NMI: variants seen among roughly 807,000 people sequenced by gnomAD.
The protein encoded by NMI is N-myc-interactor.
Under a neutral mutation model 34.3 loss-of-function variants are expected in NMI, and 39 were observed. The ratio of observed to expected loss-of-function variants is 1.14; its 90% CI spans 0.88 to 1.49. The LOEUF (loss-of-function observed/expected upper bound fraction) is 1.49, where lower values mean the gene tolerates loss of function less well. NMI is among the 40% of genes most tolerant of loss of function. The probability of loss-of-function intolerance (pLI) is 0.00; values close to 1 mark genes in which losing one functional copy is unlikely to be tolerated. For missense variants in NMI, 339 were observed against 358.1 expected (o/e 0.95, Z 0.43); for synonymous variants, 113 against 120.3 (o/e 0.94, Z 0.40).
At chr2:151,274,344 CAAAAAAAA>C (rs773276443) in intron 6 of NMI, among the ~76,000 whole-genome samples, 12 of 54,672 alleles carry the variant, frequency 2.2e-4, no homozygotes, top group African/African-American at 7.7e-4. Flanking sequence ...CTCTGTCTCA[CAAAAAAAA>C]AAAAAAAAAA....
intron 1 of NMI, among the ~76,000 whole-genome samples, chr2:151,286,578 C>A (rs191019587): frequency 6.6e-6 from 1 of 152,032 alleles, no homozygotes; most frequent in East Asian, 1.9e-4. Context: ...CTGATGTTCT[C>A]CTATCTGCCT....
intron 4 of NMI, 85 bp downstream of exon 4, chr2:151,278,743 G>T: frequency 1.0e-6 from 1 of 998,264 alleles, no homozygotes; most frequent in Non-Finnish European, 1.5e-6. Flanking sequence ...TAATATAAGT[G>T]AAGTAATATT....
intron 4 of NMI, chr2:151,278,554 G>A (rs552604047): frequency 2.3e-4 from 86 of 374,658 alleles, no homozygotes; most frequent in African/African-American, 1.7e-3. Flanking sequence ...TTTGGAGGTA[G>A]CATGTGGAGT....
At chr2:151,287,865 C>T (rs533096511) in intron 1 of NMI, among the ~76,000 whole-genome samples, 1 of 152,288 alleles carries the variant, frequency 6.6e-6, no homozygotes, top group Admixed American at 6.5e-5. Flanking sequence ...ATTTGTTGTA[C>T]TCAGGACATC....
rs112058364 is a variant in NMI, at chr2:151,285,406, A to G, written c.-6-2452T>C. On this transcript the variant is annotated intron_variant, in intron 1 of 7. Coordinates refer to ENST00000243346, the MANE Select transcript of NMI (RefSeq NM_004688.3). ...AGATAGATAGATAGATAGATAGATAAATAGACAGACAGATAGAAATACCTA... is the reference window on the plus strand; with the variant it reads ...AGATAGATAGATAGATAGATAGATAGATAGACAGACAGATAGAAATACCTA... Among the ~76,000 whole-genome samples, 1,037 of 136,010 alleles carry G rather than the reference A, an allele frequency of 7.6e-3. 17 individuals are homozygous for G. Among genetic ancestry groups the G allele is most frequent in the African/African-American group, 0.032 (964 of 30,560 alleles). 89.2% of individuals were successfully genotyped at this position (136,010 alleles called of 152,430 possible).
chr2:151,275,534 T>C lies in NMI; in HGVS notation c.584A>G (p.Asp195Gly). 2.5e-6 allele frequency: 4 copies of C among 1,614,196 alleles called. No individual in the cohort carries two copies. Among genetic ancestry groups the C allele is most frequent in the Non-Finnish European group, 3.4e-6 (4 of 1,180,042 alleles). The change falls in exon 6 of 8, where the codon GAC becomes GGC. Residue 195 changes from aspartate to glycine, a missense_variant. By Grantham distance (94) the Asp-to-Gly change is moderately conservative. Coordinates refer to ENST00000243346, the MANE Select transcript of NMI (RefSeq NM_004688.3). ...RNGGGEVDRV[D>G]YDRQSGSAVI... ...TGCACTCCCGGACTGTCTGTCATAG[T>C]CCACGCGGTCCACCTCTCCGCCTCC...
At chr2:151,279,764 C>T (rs1683356500) in intron 3 of NMI, among the ~76,000 whole-genome samples, 1 of 152,098 alleles carries the variant, frequency 6.6e-6, no homozygotes, top group African/African-American at 2.4e-5. Context: ...GCGTGAGCCA[C>T]CACACCTGGC....
chr2:151,285,521 G>A (rs990120108), intron 1 of NMI, among the ~76,000 whole-genome samples: 5 of 150,968 alleles, frequency 3.3e-5, no homozygotes, highest in African/African-American at 7.3e-5. Context: ...CCGGGAGGCA[G>A]AGGTTGCAGT....
At position 151,275,798 on chromosome 2, in the gene NMI, G is replaced by A. The variant is rs763897721; in HGVS notation, c.407C>T (p.Thr136Met). The change falls in exon 5 of 8, where the codon ACG becomes ATG. Residue 136 changes from threonine to methionine, a missense_variant. Coordinates refer to ENST00000243346, the MANE Select transcript of NMI (RefSeq NM_004688.3). ...VQIKDVNLEV[T>M]AKPVPLNSGV... is the part of the protein sequence containing the mutation. ...TGAATTTAATGGAACTGGCTTGGCCGTAACCTCCAGATTTACATCTTTTAT... is the reference window on the plus strand; with the variant it reads ...TGAATTTAATGGAACTGGCTTGGCCATAACCTCCAGATTTACATCTTTTAT... 25 of 1,613,220 alleles carry A rather than the reference G, an allele frequency of 1.5e-5. No homozygotes were observed. The South Asian group carries it at 1.6e-4, about 11-fold the overall frequency.
chr2:151,281,534 A>T (rs1378278942), intron 3 of NMI, among the ~76,000 whole-genome samples: 1 of 152,160 alleles, frequency 6.6e-6, no homozygotes, highest in Non-Finnish European at 1.5e-5. Flanking sequence ...ACATGACAAC[A>T]CCCCAGAAAC....
intron 1 of NMI, among the ~76,000 whole-genome samples, chr2:151,283,255 C>A (rs927149673): frequency 6.6e-6 from 1 of 151,994 alleles, no homozygotes; most frequent in African/African-American, 2.4e-5. Flanking sequence ...ATTCCCCTGT[C>A]TCAAGCCTCC....
chr2:151,281,993 G>C lies in NMI; in HGVS notation c.132C>G (p.Ile44Met), dbSNP rs1050049448. The change falls in exon 3 of 8, where the codon ATC becomes ATG. Residue 44 changes from isoleucine to methionine, a missense_variant. By Grantham distance (10) the Ile-to-Met change is conservative. Transcript: ENST00000243346. ...TKKNIQLKKE[I>M]QKLETELQEA... ...CTTGTAACTCCGTTTCAAGCTTTTGGATCTCCTTCTTTAGTTGAATATTTT... is the reference window on the plus strand; with the variant it reads ...CTTGTAACTCCGTTTCAAGCTTTTGCATCTCCTTCTTTAGTTGAATATTTT... 4 of 1,562,952 alleles carry C rather than the reference G, an allele frequency of 2.6e-6. No homozygotes were observed. Among genetic ancestry groups the C allele is most frequent in the Non-Finnish European group, 3.5e-6 (4 of 1,136,938 alleles).
Position 151,270,780 on chromosome 2 carries a change from G to C in NMI, c.837C>G (p.His279Gln). 1 of 1,613,938 alleles carries C rather than the reference G, an allele frequency of 6.2e-7. No homozygotes were observed. The highest frequency in any genetic ancestry group is 8.5e-7 in the Non-Finnish European group (1 of 1,179,886). The change falls in exon 8 of 8, where the codon CAC becomes CAG. Residue 279 changes from histidine (H) to glutamine (Q), a missense_variant. Coordinates refer to ENST00000243346, the MANE Select transcript of NMI (RefSeq NM_004688.3). ...CACCTCCATTCTTTGCCCGTTGAAA[G>C]TGAATGTTAATTAAATCCTCCACAA... ...EEIVEDLINIHFQRAKNGGGE... is the reference protein window; with the variant it reads ...EEIVEDLINIQFQRAKNGGGE...
At chr2:151,279,161 A>G (rs1236388453) in intron 3 of NMI, among the ~76,000 whole-genome samples, 171 bp from the exon 4 acceptor site, 1 of 152,218 alleles carries the variant, frequency 6.6e-6, no homozygotes, top group Non-Finnish European at 1.5e-5. Flanking sequence ...TTTCCCATGT[A>G]AGTACTCAGT....
chr2:151,289,595 G>C lies in NMI; in HGVS notation c.-9C>G, dbSNP rs1683584008. 6.6e-6 allele frequency: 1 copy of C among 152,224 alleles called. No individual in the cohort carries two copies. The highest frequency in any genetic ancestry group is 1.5e-5 in the Non-Finnish European group (1 of 68,072). The allele number at this position is 152,224 out of a possible 1,614,324, so 9.4% of individuals were successfully genotyped here. ...CGGGGAAGGGACTCCCCACTCACCC[G>C]CGTCCGCCCGCCGAGCGCAGCTCCC... On this transcript the variant is annotated splice_region_variant and 5_prime_UTR_variant, in exon 1 of 8. Transcript: ENST00000243346.
rs781138618 is a variant in NMI, at chr2:151,278,980, T to C, written c.188A>G (p.Asp63Gly). 17 of 1,594,824 alleles carry C rather than the reference T, an allele frequency of 1.1e-5. No homozygotes were observed. The Middle Eastern group carries it at 8.3e-4, about 78-fold the overall frequency. The change falls in exon 4 of 8, where the codon GAT becomes GGT. Residue 63 changes from aspartate to glycine, a missense_variant. By Grantham distance (94) the Asp-to-Gly change is moderately conservative. Coordinates refer to ENST00000243346, the MANE Select transcript of NMI (RefSeq NM_004688.3). ...EATKEFQIKE[D>G]IPETKMKFLS... ...GAATTTCATCTTTGTTTCAGGAATA[T>C]CCTCTTTAATCTAATCCAAATGAAA...
intron 6 of NMI, among the ~76,000 whole-genome samples, chr2:151,272,274 A>AG (rs1553461010): frequency 6.6e-6 from 1 of 152,198 alleles, no homozygotes; most frequent in African/African-American, 2.4e-5. Context: ...TTTTAGCAGT[A>AG]TTTTTTTCTC....
At position 151,270,743 on chromosome 2, in the gene NMI, C is replaced by T. The variant is rs757605388; in HGVS notation, c.874G>A (p.Val292Met). The change falls in exon 8 of 8, where the codon GTG becomes ATG. Residue 292 changes from valine (V) to methionine (M), a missense_variant. By Grantham distance (21) the Val-to-Met change is conservative (BLOSUM62 1). Transcript: ENST00000243346. Reference sequence around the variant, plus strand: ...GGTTGACCTAGAGAACACTTGACCACATCTACTTCTCCACCTCCATTCTTT... The same window carrying T: ...GGTTGACCTAGAGAACACTTGACCATATCTACTTCTCCACCTCCATTCTTT... ...RAKNGGGEVD[V>M]VKCSLGQPHI... 3.1e-6 allele frequency: 5 copies of T among 1,613,884 alleles called. No homozygotes were observed. Among genetic ancestry groups the T allele is most frequent in the Non-Finnish European group, 4.2e-6 (5 of 1,179,926 alleles).
intron 1 of NMI, among the ~76,000 whole-genome samples, chr2:151,285,541 C>A (rs1202688278): frequency 2.7e-5 from 4 of 149,232 alleles, no homozygotes; most frequent in African/African-American, 1.0e-4. Flanking sequence ...TGAGTCAAGA[C>A]TGCGTCACAG....
Sources: allele counts gnomAD v4.1 joint callset (sites outside exome capture counted in the v4.1 genomes callset), GRCh38; gene constraint gnomAD v4.1.1; transcripts MANE v1.5; gene names NCBI Gene and HGNC (gene_info 2026-07-23, HGNC 2026-07-21).